The following SERINC1 variants were observed in gnomAD, a reference collection of about 807,000 sequenced individuals.
The protein encoded by SERINC1 is serine incorporator 1, also known as tumor differentially expressed protein 2.
SERINC1 carries 38 observed loss-of-function variants against 52.9 expected under a neutral mutation model. The ratio of observed to expected loss-of-function variants is 0.72; its 90% CI spans 0.55 to 0.94. The LOEUF is 0.94. Ranked by LOEUF, SERINC1 falls within the 40% of genes least tolerant of loss-of-function variation. The pLI, the probability that SERINC1 is intolerant of heterozygous loss-of-function variation, is 0.00. For missense variants in SERINC1, 471 were observed against 533.9 expected (o/e 0.88, Z 1.16); for synonymous variants, 198 against 183.1 (o/e 1.08, Z -0.66).
intron 3 of SERINC1, among the ~76,000 whole-genome samples, chr6:122,454,870 T>G (rs931580561): frequency 2.6e-5 from 4 of 151,662 alleles, no homozygotes; most frequent in Admixed American, 2.6e-4. Context: ...GTAATTGTTG[T>G]GAGTACTTCC....
At chr6:122,447,308 A>G (rs762957763) in intron 7 of SERINC1, 43 bp from the exon 8 acceptor site, 5 of 1,505,892 alleles carry the variant, frequency 3.3e-6, no homozygotes, top group Non-Finnish European at 3.7e-6. Context: ...TATATTAAAA[A>G]GATGTTTTTC....
chr6:122,456,153 A>G (rs1774989185), intron 3 of SERINC1, among the ~76,000 whole-genome samples: 1 of 152,180 alleles, frequency 6.6e-6, no homozygotes, highest in South Asian at 2.1e-4. Context: ...TAGGGAACTG[A>G]GAGTTCTATG....
chr6:122,453,544 T>C (rs558313813), intron 5 of SERINC1, among the ~76,000 whole-genome samples: 2 of 152,304 alleles, frequency 1.3e-5, no homozygotes, highest in Non-Finnish European at 2.9e-5. Flanking sequence ...CAGGTTCTTT[T>C]GGATTCTTTC....
rs1582629165 is a variant in SERINC1 at position 122,446,929 on chromosome 6, A to T, written c.1071T>A (p.Gly357=). Reference sequence around the variant, plus strand: ...CCAGTGATCCATCACTTCTAGCTCCACCATCTTCTATTAATGTAGATTCAT... The same window carrying T: ...CCAGTGATCCATCACTTCTAGCTCCTCCATCTTCTATTAATGTAGATTCAT... ...TSDESTLIED[G]GARSDGSLED... Residue 357 remains glycine (G), a synonymous_variant, in exon 9 of 10, where the codon GGT becomes GGA. Coordinates refer to ENST00000339697, the MANE Select transcript of SERINC1 (RefSeq NM_020755.4). The T allele has an allele frequency of 6.2e-7, 1 of 1,613,320 alleles. No individual in the cohort carries two copies. Among genetic ancestry groups the T allele is most frequent in the East Asian group, 2.2e-5 (1 of 44,874 alleles).
At chr6:122,466,223 G>A (rs564343666) in intron 1 of SERINC1, among the ~76,000 whole-genome samples, 54 of 152,260 alleles carry the variant, frequency 3.5e-4, no homozygotes, top group Admixed American at 6.5e-4. Flanking sequence ...GCTCCATCCC[G>A]GGCAACAAAG....
chr6:122,471,385 G>A (rs1169126428), intron 1 of SERINC1, among the ~76,000 whole-genome samples: 2 of 151,808 alleles, frequency 1.3e-5, no homozygotes, highest in Non-Finnish European at 2.9e-5. Flanking sequence ...CCACGAAAAG[G>A]GACCTCAAAG....
chr6:122,469,501 C>T lies in SERINC1; in HGVS notation c.39+2198G>A, dbSNP rs138009183. ...AAGAGATTCTCCTGCCTCAGCCACC[C>T]GAGTGGGATTACAGGTGTGCGCCAC... On this transcript the variant is annotated intron_variant, in intron 1 of 9. Coordinates refer to ENST00000339697, the MANE Select transcript of SERINC1 (RefSeq NM_020755.4). Among the ~76,000 whole-genome samples, 11 of 151,378 alleles carry T rather than the reference C, an allele frequency of 7.3e-5. No individual in the cohort carries two copies. The East Asian group carries it at 2.1e-3, about 30-fold the overall frequency.
Position 122,455,927 on chromosome 6 carries a change from G to A in SERINC1, c.371+554C>T, listed in dbSNP as rs77523169. Among the ~76,000 whole-genome samples, 348 of 152,072 alleles carry A rather than the reference G, an allele frequency of 2.3e-3. 9 individuals are homozygous for A. In the East Asian group the frequency reaches 0.045, roughly 20 times the overall value. On this transcript the variant is annotated intron_variant, in intron 3 of 9. Transcript: ENST00000339697. ...GAACAAAATAAAGGAAAAGCAACCCGTCACATATTTTCTCATTAATATTTA... is the reference window on the plus strand; with the variant it reads ...GAACAAAATAAAGGAAAAGCAACCCATCACATATTTTCTCATTAATATTTA...
intron 2 of SERINC1, 101 bp from the exon 3 acceptor site, chr6:122,456,751 G>T: frequency 1.2e-6 from 1 of 849,198 alleles, no homozygotes; most frequent in Non-Finnish European, 1.7e-6. Context: ...TAGAAAACTG[G>T]CATTTGCTTT....
chr6:122,452,678 G>T (rs1278661031), intron 5 of SERINC1, among the ~76,000 whole-genome samples: 2 of 152,246 alleles, frequency 1.3e-5, no homozygotes, highest in African/African-American at 2.4e-5. Context: ...GCTGACAGGG[G>T]ATCCATCCAA....
In SERINC1 at chr6:122,456,615, GACA is replaced by G; in HGVS notation, c.234_236del (p.Val79del). ...TATAGCCAACCAAAATGTTACAAGG[GACA>G]ACACCTTTCTCATTCTCACAAAATC... On this transcript the variant is annotated inframe_deletion, in exon 3 of 10. Coordinates refer to ENST00000339697, the MANE Select transcript of SERINC1 (RefSeq NM_020755.4). 6.2e-7 allele frequency: 1 copy of G among 1,605,828 alleles called. No homozygotes were observed. Among genetic ancestry groups the G allele is most frequent in the Non-Finnish European group, 8.5e-7 (1 of 1,177,052 alleles).
chr6:122,456,785 C>T (rs1171878491), intron 2 of SERINC1, 135 bp from the exon 3 acceptor site: 2 of 600,566 alleles, frequency 3.3e-6, no homozygotes, highest in African/African-American at 3.8e-5. Flanking sequence ...AATATGTACT[C>T]AAGATGAGTC....
chr6:122,461,206 C>T (rs1242245213), intron 1 of SERINC1, among the ~76,000 whole-genome samples: 2 of 151,990 alleles, frequency 1.3e-5, no homozygotes, highest in East Asian at 3.9e-4. Flanking sequence ...GGAAACTCAA[C>T]AAAGCCCTAG....
intron 9 of SERINC1, among the ~76,000 whole-genome samples, 195 bp from the exon 10 acceptor site, chr6:122,445,374 T>C (rs1322460687): frequency 6.6e-6 from 1 of 152,232 alleles, no homozygotes; most frequent in Non-Finnish European, 1.5e-5. Context: ...TTTCCTTTAA[T>C]GGAGTAAAGT....
chr6:122,458,725 A>T, intron 1 of SERINC1, 44 bp from the exon 2 acceptor site: 1 of 1,315,452 alleles, frequency 7.6e-7, no homozygotes, highest in East Asian at 2.3e-5. Context: ...AGAATCAGTA[A>T]ATCACTATAT....
At chr6:122,471,233 A>C (rs1775288440) in intron 1 of SERINC1, among the ~76,000 whole-genome samples, 1 of 151,978 alleles carries the variant, frequency 6.6e-6, no homozygotes, top group Non-Finnish European at 1.5e-5. Flanking sequence ...TGCGCCACTG[A>C]ACAAAGAGGG....
intron 1 of SERINC1, among the ~76,000 whole-genome samples, chr6:122,468,489 G>C (rs887321041): frequency 1.3e-5 from 2 of 152,062 alleles, no homozygotes; most frequent in Non-Finnish European, 2.9e-5. Context: ...CTCCTTAGAA[G>C]AATCTTTTTA....
chr6:122,459,181 G>A (rs973420289), intron 1 of SERINC1, among the ~76,000 whole-genome samples: 3 of 152,144 alleles, frequency 2.0e-5, no homozygotes, highest in African/African-American at 7.2e-5. Context: ...TACAACTAGA[G>A]TGAGGCAAAA....
chr6:122,445,106 T>C lies in SERINC1; in HGVS notation c.1300A>G (p.Ile434Val), dbSNP rs140862616. The C allele has an allele frequency of 1.1e-5, 18 of 1,614,022 alleles. No individual in the cohort carries two copies. The highest frequency in any genetic ancestry group is 1.7e-5 in the Admixed American group (1 of 60,014). Reference sequence around the variant, plus strand: ...ACGAGTGTCCAAACATACAGCACGATGCCAATCCAACTGGAAGAGATTTTC... The same window carrying C: ...ACGAGTGTCCAAACATACAGCACGACGCCAATCCAACTGGAAGAGATTTTC... ...WVKISSSWIG[I>V]VLYVWTLVAP... is the part of the protein sequence containing the mutation. The change falls in exon 10 of 10, where the codon ATC becomes GTC. Residue 434 changes from isoleucine to valine, a missense_variant. Coordinates refer to ENST00000339697, the MANE Select transcript of SERINC1 (RefSeq NM_020755.4).
Sources: allele counts gnomAD v4.1 joint callset (sites outside exome capture counted in the v4.1 genomes callset), GRCh38; gene constraint gnomAD v4.1.1; transcripts MANE v1.5; gene names NCBI Gene and HGNC (gene_info 2026-07-23, HGNC 2026-07-21).